UGT1A9: variants seen among roughly 807,000 people sequenced by gnomAD.
UGT1A9 encodes UDP glucuronosyltransferase family 1 member A9, also known as UDP-glucuronosyltransferase 1A9.
Under a neutral mutation model 45.0 loss-of-function variants are expected in UGT1A9, and 35 were observed. The ratio of observed to expected loss-of-function variants is 0.78; its 90% CI spans 0.59 to 1.03. The LOEUF is 1.03. Ranked by LOEUF, UGT1A9 falls within the 50% of genes least tolerant of loss-of-function variation. The pLI, the probability that UGT1A9 is intolerant of heterozygous loss-of-function variation, is 0.00. For synonymous variants in UGT1A9, 278 were observed against 250.6 expected (o/e 1.11, Z -1.03); for missense variants, 687 against 666.6 (o/e 1.03, Z -0.34).
chr2:233,762,875 C>T (rs1698183827), intron 1 of UGT1A9, among the ~76,000 whole-genome samples: 1 of 152,150 alleles, frequency 6.6e-6, no homozygotes, highest in African/African-American at 2.4e-5. Flanking sequence ...TTGGTTTCTT[C>T]TCTTATAAAT....
At chr2:233,744,050 T>G in intron 1 of UGT1A9, 1 of 675,568 alleles carries the variant, frequency 1.5e-6, no homozygotes, top group Non-Finnish European at 2.1e-6. Flanking sequence ...CCACATCTCA[T>G]TGGTCGAGGC....
At chr2:233,722,463 G>A (rs1258292673) in intron 1 of UGT1A9, among the ~76,000 whole-genome samples, 2 of 152,154 alleles carry the variant, frequency 1.3e-5, no homozygotes, top group Admixed American at 6.5e-5. Flanking sequence ...AATAACTGTG[G>A]AATTTGTATA....
chr2:233,729,125 A>G lies in UGT1A9; in HGVS notation c.856-37909A>G, dbSNP rs760047362. On this transcript the variant is annotated intron_variant, in intron 1 of 4. Transcript: ENST00000354728. ...AGTCAGCTGTCCGTGTCTTCTGCTG[A>G]GATGGCCACAGGACTCCAGGTTCCC... 5 of 1,613,014 alleles carry G rather than the reference A, an allele frequency of 3.1e-6. No individual in the cohort carries two copies. The African/African-American group carries it at 6.7e-5, about 22-fold the overall frequency.
intron 1 of UGT1A9, chr2:233,693,536 C>A: frequency 6.2e-7 from 1 of 1,614,160 alleles, no homozygotes; most frequent in Admixed American, 1.7e-5. Flanking sequence ...TCCGTGTTCC[C>A]TGGAGCATAC....
chr2:233,764,999 A>G (rs984767809), intron 1 of UGT1A9, among the ~76,000 whole-genome samples: 8 of 151,978 alleles, frequency 5.3e-5, no homozygotes, highest in Admixed American at 1.3e-4. Flanking sequence ...TTTCCTGGTC[A>G]TGTTCCAAAT....
chr2:233,771,547 G>A (rs1443760906), intron 4 of UGT1A9: 1 of 152,190 alleles, frequency 6.6e-6, no homozygotes, highest in Non-Finnish European at 1.5e-5. Context: ...ACTTACAAAT[G>A]GCTGTTAATT....
At chr2:233,714,248 G>C (rs1260479337) in intron 1 of UGT1A9, among the ~76,000 whole-genome samples, 1 of 152,160 alleles carries the variant, frequency 6.6e-6, no homozygotes, top group Non-Finnish European at 1.5e-5. Flanking sequence ...AAGGAGGAAG[G>C]AATAGAAATT....
At chr2:233,700,860 T>C (rs762823584) in intron 1 of UGT1A9, among the ~76,000 whole-genome samples, 4 of 152,140 alleles carry the variant, frequency 2.6e-5, no homozygotes, top group East Asian at 1.9e-4. Flanking sequence ...CTCCTAATGC[T>C]ATCCCTCCCT....
chr2:233,734,445 A>G (rs1034867572), intron 1 of UGT1A9, among the ~76,000 whole-genome samples: 11 of 144,918 alleles, frequency 7.6e-5, no homozygotes, highest in African/African-American at 3.0e-4. Flanking sequence ...CCAGAGGTCT[A>G]TCAATTTTCA....
intron 1 of UGT1A9, among the ~76,000 whole-genome samples, chr2:233,757,570 G>C (rs1278180964): frequency 1.3e-5 from 1 of 75,608 alleles, no homozygotes; most frequent in African/African-American, 6.1e-5. Context: ...ATGTATATAT[G>C]ATATAGCTAT....
Position 233,754,563 on chromosome 2 carries a change from C to T in UGT1A9, c.856-12471C>T, listed in dbSNP as rs1133493. 9 of 399,474 alleles carry T rather than the reference C, an allele frequency of 2.3e-5. No homozygotes were observed. The East Asian group carries it at 2.9e-4, about 13-fold the overall frequency. 24.7% of individuals were successfully genotyped at this position (399,474 alleles called of 1,614,324 possible). On this transcript the variant is annotated intron_variant, in intron 1 of 4. Transcript: ENST00000354728. ...GGAATTACTTGGTGTCAATGGGGAG[C>T]AACTGCTCTATGCCGTTTATTATGA... is the stretch of plus-strand genomic sequence containing the variant.
chr2:233,772,614 C>A lies in UGT1A9; in HGVS notation c.*55C>A, dbSNP rs1700539224. On this transcript the variant is annotated 3_prime_UTR_variant, in exon 5 of 5. Transcript: ENST00000354728. ...GAACCATTCCCTAGTCATTTCCAAA[C>A]TTGAAAACAGAATCAGTGTTAAATT... The A allele has an allele frequency of 3.2e-6, 5 of 1,575,710 alleles. No homozygotes were observed. The highest frequency in any genetic ancestry group is 4.3e-6 in the Non-Finnish European group (5 of 1,159,842).
intron 1 of UGT1A9, among the ~76,000 whole-genome samples, chr2:233,708,906 G>T (rs2076047236): frequency 6.6e-6 from 1 of 152,058 alleles, no homozygotes. Flanking sequence ...TATCTGGTTA[G>T]GTATTGCTTG....
At chr2:233,749,415 A>G (rs1694185994) in intron 1 of UGT1A9, among the ~76,000 whole-genome samples, 1 of 151,912 alleles carries the variant, frequency 6.6e-6, no homozygotes, top group Non-Finnish European at 1.5e-5. Context: ...TGTTAACTAC[A>G]TTGCTCAAAA....
chr2:233,741,255 T>A (rs1029860579), intron 1 of UGT1A9, among the ~76,000 whole-genome samples: 2 of 151,880 alleles, frequency 1.3e-5, no homozygotes, highest in Non-Finnish European at 2.9e-5. Context: ...GGTATGCCAC[T>A]CTTTGCTGAC....
intron 1 of UGT1A9, chr2:233,755,833 G>C (rs1270609595): frequency 1.3e-5 from 2 of 152,294 alleles, no homozygotes; most frequent in Non-Finnish European, 2.9e-5. Flanking sequence ...CATATTCATT[G>C]GGCAATTTAA....
intron 1 of UGT1A9, chr2:233,760,701 C>T (rs768185321): frequency 1.2e-5 from 19 of 1,614,172 alleles, no homozygotes; most frequent in Non-Finnish European, 1.6e-5. Flanking sequence ...AGCTCATGGC[C>T]TCCCTGGCAG....
At chr2:233,682,564 C>A (rs780627101) in intron 1 of UGT1A9, 1 of 1,613,938 alleles carries the variant, frequency 6.2e-7, no homozygotes, top group Admixed American at 1.7e-5. Context: ...GAGTATGGAA[C>A]CACATCATGC....
At chr2:233,695,274 T>C (rs1346738966) in intron 1 of UGT1A9, among the ~76,000 whole-genome samples, 1 of 151,970 alleles carries the variant, frequency 6.6e-6, no homozygotes, top group East Asian at 1.9e-4. Context: ...TATAGGCATG[T>C]GCCACCATTC....
Sources: allele counts gnomAD v4.1 joint callset (sites outside exome capture counted in the v4.1 genomes callset), GRCh38; gene constraint gnomAD v4.1.1; transcripts MANE v1.5; gene names NCBI Gene and HGNC (gene_info 2026-07-23, HGNC 2026-07-21).